The following RAD54L2 variants were observed in gnomAD, a reference collection of about 807,000 sequenced individuals.
The protein encoded by RAD54L2 is helicase ARIP4.
In RAD54L2, 27 loss-of-function variants were observed where a neutral mutation model predicts 138.4. That is an observed-to-expected ratio of 0.20 (90% CI 0.14 to 0.27). The LOEUF (loss-of-function observed/expected upper bound fraction) is 0.27. RAD54L2 is among the 10% of genes least tolerant of loss of function. The probability of loss-of-function intolerance (pLI) is 1.00; values close to 1 mark genes in which losing one functional copy is unlikely to be tolerated. For synonymous variants in RAD54L2, 644 were observed against 723.2 expected (o/e 0.89, Z 1.76); for missense variants, 1,396 against 1,890.2 (o/e 0.74, Z 4.85).
At chr3:51,650,382 CAG>C (rs1223590087) in intron 19 of RAD54L2, among the ~76,000 whole-genome samples, 3 of 152,164 alleles carry the variant, frequency 2.0e-5, no homozygotes, top group Non-Finnish European at 4.4e-5. Context: ...ATCAACGAGA[CAG>C]AAGGTTAGCA....
intron 21 of RAD54L2, among the ~76,000 whole-genome samples, chr3:51,658,368 CT>C (rs1559657546): frequency 6.6e-6 from 1 of 152,120 alleles, no homozygotes; most frequent in African/African-American, 2.4e-5. Flanking sequence ...TGGGGGTCCC[CT>C]GATAGGATAT....
At chr3:51,661,976 T>C in intron 22 of RAD54L2, among the ~76,000 whole-genome samples, 1 of 152,176 alleles carries the variant, frequency 6.6e-6, no homozygotes, top group East Asian at 1.9e-4. Flanking sequence ...ATTCCAAAAT[T>C]GAGATTTCCC....
intron 3 of RAD54L2, among the ~76,000 whole-genome samples, chr3:51,599,125 A>G (rs529208830): frequency 1.5e-3 from 225 of 152,286 alleles, no homozygotes; most frequent in Admixed American, 4.0e-3. Flanking sequence ...CACCTAGCTG[A>G]TACCTACTGC....
At chr3:51,658,306 G>A (rs1475356496) in intron 21 of RAD54L2, among the ~76,000 whole-genome samples, 3 of 152,096 alleles carry the variant, frequency 2.0e-5, no homozygotes, top group Non-Finnish European at 2.9e-5. Context: ...GGGAAAGAGC[G>A]GTGGAATGGG....
rs954602982 is a variant in RAD54L2, at chr3:51,665,261, T to G, written c.*1841T>G. 6.7e-6 allele frequency: 1 copy of G among 149,166 alleles called. No individual in the cohort carries two copies. The highest frequency in any genetic ancestry group is 1.5e-5 in the Non-Finnish European group (1 of 67,484). The allele number at this position is 149,166 out of a possible 1,614,324, so 9.2% of individuals were successfully genotyped here. A position where few individuals can be genotyped will look rare whatever the true frequency, so the allele number is the denominator to read the frequency against. On this transcript the variant is annotated 3_prime_UTR_variant, in exon 23 of 23. Transcript: ENST00000684192. ...TTACCACTTACCCATGGCTCCCTCCTTACTGGGCAGGTGGTGTACCTGCCT... is the reference window on the plus strand; with the variant it reads ...TTACCACTTACCCATGGCTCCCTCCGTACTGGGCAGGTGGTGTACCTGCCT...
At chr3:51,571,576 C>T (rs1043333131) in intron 2 of RAD54L2, among the ~76,000 whole-genome samples, 7 of 151,826 alleles carry the variant, frequency 4.6e-5, no homozygotes, top group Admixed American at 2.6e-4. Flanking sequence ...CTATGTTGAC[C>T]GGGGCAGTCT....
intron 9 of RAD54L2, 71 bp from the exon 10 acceptor site, chr3:51,635,522 G>T: frequency 6.9e-7 from 1 of 1,445,142 alleles, no homozygotes; most frequent in East Asian, 2.4e-5. Flanking sequence ...ATTCTTCCTT[G>T]GGAGCAGCAG....
chr3:51,655,940 C>T (rs1390448953), intron 19 of RAD54L2, 31 bp from the exon 20 acceptor site: 2 of 1,556,814 alleles, frequency 1.3e-6, no homozygotes, highest in Non-Finnish European at 1.8e-6. Context: ...TTCTGCCAAA[C>T]TCTTTTAGTG....
At chr3:51,644,927 CAG>C in intron 16 of RAD54L2, 95 bp from the exon 17 acceptor site, 1 of 1,214,590 alleles carries the variant, frequency 8.2e-7, no homozygotes, top group Non-Finnish European at 1.2e-6. Flanking sequence ...GGGCTTAGGA[CAG>C]AGTAATATTG....
chr3:51,573,550 T>C (rs1483584929), intron 2 of RAD54L2, among the ~76,000 whole-genome samples: 3 of 152,056 alleles, frequency 2.0e-5, no homozygotes, highest in African/African-American at 4.8e-5. Flanking sequence ...GATTATTCTG[T>C]CTCAGCCTCC....
At chr3:51,612,691 TAAAAAA>T (rs11299726) in intron 3 of RAD54L2, among the ~76,000 whole-genome samples, 1 of 141,802 alleles carries the variant, frequency 7.1e-6, no homozygotes, top group Non-Finnish European at 1.5e-5. Flanking sequence ...GTCTTTGTTG[TAAAAAA>T]AAAAAAAAAA....
chr3:51,662,758 G>T lies in RAD54L2; in HGVS notation c.3742G>T (p.Val1248Leu). Reference protein sequence around the residue: ...TGQPCGDRHPVLDLRGHKRKL... With the variant: ...TGQPCGDRHPLLDLRGHKRKL... ...CCAGCCCTGTGGTGACAGGCACCCAGTGCTGGACTTAAGGGGCCACAAGCG... is the reference window on the plus strand; with the variant it reads ...CCAGCCCTGTGGTGACAGGCACCCATTGCTGGACTTAAGGGGCCACAAGCG... The change falls in exon 23 of 23, where the codon GTG becomes TTG. Residue 1248 changes from valine (V) to leucine (L), a missense_variant. By Grantham distance (32) the Val-to-Leu change is conservative (BLOSUM62 1). This residue lies in a region of RAD54L2 where 634 missense variants were observed against 711.2 expected (regional missense o/e 0.89). Transcript: ENST00000684192. This position sits in a 1 kb window ranked among gnomAD's most constrained non-coding sequence, Gnocchi z 4.6. 1.2e-6 allele frequency: 2 copies of T among 1,612,572 alleles called. No homozygotes were observed. The highest frequency in any genetic ancestry group is 1.7e-6 in the Non-Finnish European group (2 of 1,179,298).
At position 51,666,343 on chromosome 3, in the gene RAD54L2, T is replaced by C. The variant is rs1208245026; in HGVS notation, c.*2923T>C. The C allele has an allele frequency of 1.3e-5, 2 of 152,068 alleles. No individual in the cohort carries two copies. The highest frequency in any genetic ancestry group is 2.1e-4 in the South Asian group (1 of 4,808). The allele number at this position is 152,068 out of a possible 1,614,324, so 9.4% of individuals were successfully genotyped here. A position where few individuals can be genotyped will look rare whatever the true frequency, so the allele number is the denominator to read the frequency against. On this transcript the variant is annotated 3_prime_UTR_variant, in exon 23 of 23. Coordinates refer to ENST00000684192, the MANE Select transcript of RAD54L2 (RefSeq NM_015106.4). Reference sequence around the variant, plus strand: ...GAAGTATCTCAGAGCCTAAGAACCATGTTTTATAGTTTCTTTGATCATAAA... The same window carrying C: ...GAAGTATCTCAGAGCCTAAGAACCACGTTTTATAGTTTCTTTGATCATAAA...
intron 2 of RAD54L2, among the ~76,000 whole-genome samples, chr3:51,570,499 C>T (rs564950504): frequency 2.6e-5 from 4 of 151,682 alleles, no homozygotes; most frequent in Non-Finnish European, 5.9e-5. Flanking sequence ...CACACTCGCC[C>T]AGGCTGAAGT....
At chr3:51,584,741 A>AT (rs1004503653) in intron 2 of RAD54L2, among the ~76,000 whole-genome samples, 9 of 149,970 alleles carry the variant, frequency 6.0e-5, no homozygotes, top group Non-Finnish European at 1.2e-4. Flanking sequence ...TTCCTTGTCT[A>AT]TTTTTTTTAA....
At chr3:51,648,153 C>A (rs546212406) in intron 19 of RAD54L2, among the ~76,000 whole-genome samples, 2 of 152,368 alleles carry the variant, frequency 1.3e-5, no homozygotes, top group Admixed American at 6.5e-5. Flanking sequence ...TATCCCGCAC[C>A]TGTCTCAGTG....
chr3:51,580,354 G>A (rs1252335222), intron 2 of RAD54L2, among the ~76,000 whole-genome samples: 1 of 152,186 alleles, frequency 6.6e-6, no homozygotes, highest in Non-Finnish European at 1.5e-5. Flanking sequence ...ATCCTGGAGT[G>A]TCACCCTCCC....
In RAD54L2 at chr3:51,633,984, A is replaced by G. The variant is rs1700914542; in HGVS notation, c.1091A>G (p.Glu364Gly). The stretch of plus-strand genomic sequence containing the variant: ...GCCCTCCCGGCTGACAACAAGCCTG[A>G]AGAAGTCCAGCCTCGGTTCTTTAAA... ...PEALPADNKP[E>G]EVQPRFFKVH... The change falls in exon 9 of 23, where the codon GAA becomes GGA. Residue 364 changes from glutamate to glycine, a missense_variant. Glu to Gly is a moderately conservative substitution (Grantham distance 98, BLOSUM62 -2). Coordinates refer to ENST00000684192, the MANE Select transcript of RAD54L2 (RefSeq NM_015106.4). 1 of 1,613,972 alleles carries G rather than the reference A, an allele frequency of 6.2e-7. No individual in the cohort carries two copies.
In RAD54L2 at chr3:51,637,923, T is replaced by C. The variant is rs1464205862; in HGVS notation, c.1683-221T>C. Among the ~76,000 whole-genome samples, 1 of 152,246 alleles carries C rather than the reference T, an allele frequency of 6.6e-6. No individual in the cohort carries two copies. The highest frequency in any genetic ancestry group is 1.9e-4 in the East Asian group (1 of 5,206). On this transcript the variant is annotated intron_variant, in intron 11 of 22. Coordinates refer to ENST00000684192, the MANE Select transcript of RAD54L2 (RefSeq NM_015106.4). The surrounding 1 kb of genome is among the most constrained non-coding windows in gnomAD (Gnocchi z 5.9). ...CCCTGTCTCTGTCATGCAGTCAGAC[T>C]TGACCTGGGACAGGTCACTCTGCCT...
Sources: gnomAD v4.1 joint callset for allele counts (sites outside exome capture counted in the v4.1 genomes callset) on GRCh38, gnomAD v4.1.1 for gene constraint, gnomAD v4.1.1 regional missense constraint, Gnocchi (gnomAD v3.1) non-coding constraint, MANE v1.5 for transcripts, NCBI Gene and HGNC (gene_info 2026-07-23, HGNC 2026-07-21) for gene names.